The following DEFA3 variants were observed in gnomAD, a reference collection of about 807,000 sequenced individuals.
The protein encoded by DEFA3 is defensin alpha 3.
For missense variants in DEFA3, 8 were observed against 128.1 expected (o/e 0.06, Z 4.53); for synonymous variants, 3 against 47.2 (o/e 0.06, Z 3.84).
intron 1 of DEFA3, among the ~76,000 whole-genome samples, chr8:7,017,916 C>A (rs1002131406): frequency 3.9e-5 from 6 of 152,252 alleles, no homozygotes; most frequent in Non-Finnish European, 5.9e-5. Flanking sequence ...AATCAAACAA[C>A]CTGATTGAAA....
chr8:7,016,413 G>C (rs1052201466), intron 2 of DEFA3, among the ~76,000 whole-genome samples: 3 of 139,794 alleles, frequency 2.1e-5, no homozygotes, highest in African/African-American at 8.8e-5. Flanking sequence ...AAGTCTACTT[G>C]TTTAGATCCA....
intron 2 of DEFA3, 56 bp downstream of exon 2, chr8:7,016,620 C>CGT (rs1810983480): frequency 1.5e-6 from 1 of 651,300 alleles, no homozygotes; most frequent in African/African-American, 1.9e-5. Context: ...AACTCTGGAA[C>CGT]CTCTCTCCCG....
At position 7,018,219 on chromosome 8, in the gene DEFA3, T is replaced by G. The variant is rs546667601; in HGVS notation, c.-13+3A>C. ...TGTAAAGTTTAAGTTTTGTAGTACTTACAGATCCTCTAGCTAGGCAGGGTG... is the reference window on the plus strand; with the variant it reads ...TGTAAAGTTTAAGTTTTGTAGTACTGACAGATCCTCTAGCTAGGCAGGGTG... On this transcript the variant is annotated splice_donor_region_variant and intron_variant, in intron 1 of 2. Coordinates refer to ENST00000327857, the MANE Select transcript of DEFA3 (RefSeq NM_005217.4). 6.7e-6 allele frequency: 1 copy of G among 149,884 alleles called. No homozygotes were observed. The highest frequency in any genetic ancestry group is 2.1e-4 in the South Asian group (1 of 4,676). The allele number at this position is 149,884 out of a possible 1,614,324, so 9.3% of individuals were successfully genotyped here.
intron 1 of DEFA3, among the ~76,000 whole-genome samples, chr8:7,018,018 G>GTA (rs1316287701): frequency 2.2e-5 from 3 of 133,702 alleles, no homozygotes; most frequent in African/African-American, 8.1e-5. Flanking sequence ...GGACATGTGT[G>GTA]TTTAGAAGGA....
intron 1 of DEFA3, among the ~76,000 whole-genome samples, chr8:7,017,861 G>A (rs1345316265): frequency 2.0e-5 from 3 of 152,218 alleles, no homozygotes; most frequent in Non-Finnish European, 4.4e-5. Context: ...GGCAGAAGGG[G>A]CAAATATCTG....
chr8:7,018,189 C>T (rs1177099626), intron 1 of DEFA3, 33 bp downstream of exon 1: 4 of 150,492 alleles, frequency 2.7e-5, no homozygotes, highest in African/African-American at 9.8e-5. Context: ...ATGATGAAAA[C>T]TCAGTGTAAA....
intron 1 of DEFA3, among the ~76,000 whole-genome samples, chr8:7,017,826 G>T (rs932880889): frequency 4.7e-4 from 72 of 152,200 alleles, no homozygotes; most frequent in African/African-American, 1.7e-3. Flanking sequence ...CAGAAAATGA[G>T]AGAAAATATT....
intron 1 of DEFA3, 74 bp downstream of exon 1, chr8:7,018,148 A>C (rs1233973083): frequency 6.6e-6 from 1 of 150,660 alleles, no homozygotes; most frequent in African/African-American, 2.5e-5. Flanking sequence ...GCGGCCCCAC[A>C]GTCAGAGGTC....
intron 1 of DEFA3, among the ~76,000 whole-genome samples, chr8:7,017,693 T>C (rs1811037728): frequency 2.0e-5 from 3 of 148,746 alleles, no homozygotes; most frequent in Admixed American, 6.7e-5. Context: ...ATGTAGGTAA[T>C]GATTTCTTGG....
At chr8:7,017,789 A>T (rs940022568) in intron 1 of DEFA3, among the ~76,000 whole-genome samples, 5 of 152,068 alleles carry the variant, frequency 3.3e-5, no homozygotes, top group African/African-American at 1.2e-4. Flanking sequence ...CAGCAAAGGA[A>T]ACAATCAACC....
At chr8:7,017,927 G>C (rs141798061) in intron 1 of DEFA3, among the ~76,000 whole-genome samples, 559 of 135,752 alleles carry the variant, frequency 4.1e-3, no homozygotes, top group African/African-American at 0.015. Flanking sequence ...CTGATTGAAA[G>C]ACAGACCAAG....
chr8:7,017,032 G>C (rs1306262350), intron 1 of DEFA3, among the ~76,000 whole-genome samples, 170 bp from the exon 2 acceptor site: 2 of 132,876 alleles, frequency 1.5e-5, no homozygotes, highest in East Asian at 4.3e-4. Context: ...GAATGCTCCT[G>C]TTCTCCCAGT....
intron 2 of DEFA3, among the ~76,000 whole-genome samples, 182 bp downstream of exon 2, chr8:7,016,494 T>A (rs1268691150): frequency 6.8e-6 from 1 of 148,120 alleles, no homozygotes; most frequent in Non-Finnish European, 1.5e-5. Flanking sequence ...AATCAAGTCT[T>A]TGGAGAAATA....
intron 2 of DEFA3, among the ~76,000 whole-genome samples, chr8:7,016,360 T>G (rs530468853): frequency 7.5e-6 from 1 of 133,718 alleles, no homozygotes; most frequent in South Asian, 2.5e-4. Flanking sequence ...TGGCTGCAGT[T>G]TTTAAAAGCT....
intron 2 of DEFA3, among the ~76,000 whole-genome samples, chr8:7,016,380 A>ATAGT (rs1810971912): frequency 9.3e-6 from 1 of 107,888 alleles, no homozygotes; most frequent in Non-Finnish European, 1.8e-5. Flanking sequence ...TCTTCTGTAG[A>ATAGT]GTAAAATGTT....
chr8:7,016,376 G>GTATA (rs201631026), intron 2 of DEFA3, among the ~76,000 whole-genome samples: 1 of 93,348 alleles, frequency 1.1e-5, no homozygotes, highest in Admixed American at 1.1e-4. Flanking sequence ...AAGCTCTTCT[G>GTATA]TAGAGTAAAA....
intron 2 of DEFA3, among the ~76,000 whole-genome samples, chr8:7,016,363 T>G (rs371527779): frequency 1.3e-3 from 160 of 121,134 alleles, no homozygotes; most frequent in Middle Eastern, 4.0e-3. Flanking sequence ...CTGCAGTTTT[T>G]AAAAGCTCTT....
chr8:7,016,452 T>G (rs866090524), intron 2 of DEFA3, among the ~76,000 whole-genome samples: 1,327 of 145,820 alleles, frequency 9.1e-3, no homozygotes, highest in African/African-American at 0.031. Flanking sequence ...CTTCATATCT[T>G]AAACTTAGTG....
At chr8:7,018,072 C>T (rs1279568087) in intron 1 of DEFA3, 150 bp downstream of exon 1, 1 of 150,000 alleles carries the variant, frequency 6.7e-6, no homozygotes, top group African/African-American at 2.5e-5. Flanking sequence ...AGCCATCGTC[C>T]CCAGCAGTCA....
Sources: allele counts gnomAD v4.1 joint callset (sites outside exome capture counted in the v4.1 genomes callset), GRCh38; gene constraint gnomAD v4.1.1; transcripts MANE v1.5; gene names NCBI Gene and HGNC (gene_info 2026-07-23, HGNC 2026-07-21).